The following ALKBH5 variants were observed in gnomAD, a reference collection of about 807,000 sequenced individuals.
ALKBH5 encodes the protein RNA demethylase ALKBH5.
A neutral mutation model predicts 32.1 loss-of-function variants in ALKBH5; 2 were observed. That is an observed-to-expected ratio of 0.06 (90% CI 0.03 to 0.20). ALKBH5 has a LOEUF of 0.20. ALKBH5 is among the 10% of genes least tolerant of loss of function. ALKBH5 has a pLI of 1.00. For synonymous variants in ALKBH5, 300 were observed against 231.7 expected (o/e 1.29, Z -2.68); for missense variants, 352 against 559.5 (o/e 0.63, Z 3.74).
In ALKBH5 at chr17:18,184,498, G is replaced by T. The variant is rs1200975452; in HGVS notation, c.255G>T (p.Val85=). The T allele has an allele frequency of 6.2e-7, 1 of 1,613,028 alleles. No individual in the cohort carries two copies. Among genetic ancestry groups the T allele is most frequent in the East Asian group, 2.2e-5 (1 of 44,886 alleles). The change falls in exon 1 of 4, where the codon GTG becomes GTT. Residue 85 remains valine (V), a synonymous_variant. Coordinates refer to ENST00000399138, the MANE Select transcript of ALKBH5 (RefSeq NM_017758.4). The stretch of plus-strand genomic sequence containing the variant: ...AGAAGGAGGAGGAGGCGCGCAAGGT[G>T]AAGAGCGGCATCCGCCAGATGCGCC... ...QLQKEEEARK[V]KSGIRQMRLF...
chr17:18,207,122 G>C (rs2047273725), intron 3 of ALKBH5, 152 bp downstream of exon 3: 1 of 1,084,626 alleles, frequency 9.2e-7, no homozygotes, highest in African/African-American at 1.6e-5. Flanking sequence ...TGGCATTGGT[G>C]ACATTCCCAT....
At chr17:18,201,818 TAGATAGATAGATAGATAGATGATA>T (rs1439778758) in intron 2 of ALKBH5, among the ~76,000 whole-genome samples, 21 of 80,242 alleles carry the variant, frequency 2.6e-4, no homozygotes, top group African/African-American at 8.6e-4. Flanking sequence ...GATAGATAGA[TAGATAGATAGATAGATAGATGATA>T]GATAGATTGA....
intron 1 of ALKBH5, among the ~76,000 whole-genome samples, chr17:18,190,378 C>T (rs1156861728): frequency 2.6e-5 from 4 of 151,868 alleles, no homozygotes; most frequent in African/African-American, 4.8e-5. Context: ...GGTGAAAGCC[C>T]GTCTCTACTA....
chr17:18,207,039 C>T (rs1360955352), intron 3 of ALKBH5, 69 bp downstream of exon 3: 1 of 1,571,636 alleles, frequency 6.4e-7, no homozygotes, highest in Non-Finnish European at 8.6e-7. Context: ...GGTGGAGAAG[C>T]CTGGGGTAGG....
chr17:18,183,932 G>T lies in ALKBH5; in HGVS notation c.-312G>T, dbSNP rs1271751447. On this transcript the variant is annotated 5_prime_UTR_variant, in exon 1 of 4. Coordinates refer to ENST00000399138, the MANE Select transcript of ALKBH5 (RefSeq NM_017758.4). ...GCCGGGCCGGGCGTCCGAGGGTCTG[G>T]TCGGGAGTCGGGCCGCGTCTCCGCA... 2 of 569,160 alleles carry T rather than the reference G, an allele frequency of 3.5e-6. No individual in the cohort carries two copies. The highest frequency in any genetic ancestry group is 3.9e-5 in the African/African-American group (2 of 51,084). The allele number at this position is 569,160 out of a possible 1,614,324, so 35.3% of individuals were successfully genotyped here.
At chr17:18,205,270 CTGAA>C (rs778069648) in intron 2 of ALKBH5, among the ~76,000 whole-genome samples, 1 of 152,130 alleles carries the variant, frequency 6.6e-6, no homozygotes, top group Non-Finnish European at 1.5e-5. Flanking sequence ...AGCTTGGACT[CTGAA>C]TGGCAGTGCC....
intron 2 of ALKBH5, among the ~76,000 whole-genome samples, chr17:18,202,294 C>G (rs1404657309): frequency 6.6e-6 from 1 of 151,772 alleles, no homozygotes; most frequent in Non-Finnish European, 1.5e-5. Flanking sequence ...GGCGACAGAG[C>G]GAGACTCCGA....
chr17:18,185,127 T>C, intron 1 of ALKBH5, 114 bp downstream of exon 1: 2 of 1,485,572 alleles, frequency 1.3e-6, no homozygotes, highest in Non-Finnish European at 1.8e-6. Flanking sequence ...TGACCAGTTC[T>C]TCTGTTTGTA....
At chr17:18,201,879 G>C (rs2047243351) in intron 2 of ALKBH5, among the ~76,000 whole-genome samples, 1 of 151,946 alleles carries the variant, frequency 6.6e-6, no homozygotes, top group Admixed American at 6.6e-5. Flanking sequence ...ACCAGGTGTG[G>C]TGGCATATAC....
intron 2 of ALKBH5, chr17:18,206,503 T>G: frequency 4.4e-6 from 1 of 226,584 alleles, no homozygotes; most frequent in Non-Finnish European, 8.6e-6. Flanking sequence ...CCAAGTGGAG[T>G]GAGGTGAGGC....
At chr17:18,197,965 A>G (rs1217815150) in intron 2 of ALKBH5, among the ~76,000 whole-genome samples, 1 of 152,112 alleles carries the variant, frequency 6.6e-6, no homozygotes. Context: ...AGCTCCTGTT[A>G]TGGTTTATGG....
In ALKBH5 at chr17:18,208,810, T is replaced by C; in HGVS notation, c.*414T>C. 3.2e-6 allele frequency: 1 copy of C among 314,242 alleles called. No homozygotes were observed. Among genetic ancestry groups the C allele is most frequent in the South Asian group, 2.6e-5 (1 of 38,282 alleles). 19.5% of individuals were successfully genotyped at this position (314,242 alleles called of 1,614,324 possible). A position where few individuals can be genotyped will look rare whatever the true frequency, so the allele number is the denominator to read the frequency against. On this transcript the variant is annotated 3_prime_UTR_variant, in exon 4 of 4. Transcript: ENST00000399138. ...CAGTGTTCTAAACAAAGTTCAGTCT[T>C]CTGCTCGCCCCTTTCCCTCACTGAT... is the stretch of plus-strand genomic sequence containing the variant.
intron 1 of ALKBH5, among the ~76,000 whole-genome samples, chr17:18,185,409 T>A (rs1734901): frequency 6.6e-6 from 1 of 150,632 alleles, no homozygotes; most frequent in South Asian, 2.1e-4. Flanking sequence ...TTTTTTTTTT[T>A]AATTTATCTA....
At position 18,189,066 on chromosome 17, in the gene ALKBH5, C is replaced by CA. The variant is rs547394393; in HGVS notation, c.770+4061dup. ...TGTGCTGTAGAGTGAGACTCCGTCT[C>CA]AAAAAAAATAATAAAAAAAAAAATT... On this transcript the variant is annotated intron_variant, in intron 1 of 3. Coordinates refer to ENST00000399138, the MANE Select transcript of ALKBH5 (RefSeq NM_017758.4). 5.0e-3 allele frequency among the ~76,000 whole-genome samples: 751 copies of CA among 149,452 alleles called. 3 individuals are homozygous for CA. The highest frequency in any genetic ancestry group is 0.032 in the Middle Eastern group (9 of 284).
intron 2 of ALKBH5, among the ~76,000 whole-genome samples, chr17:18,203,091 AG>A (rs1193551313): frequency 2.7e-5 from 4 of 146,306 alleles, no homozygotes; most frequent in African/African-American, 7.7e-5. Context: ...AAAAAAAAAA[AG>A]AGTTTAAATA....
chr17:18,184,101 C>A lies in ALKBH5; in HGVS notation c.-143C>A. 1.3e-6 allele frequency: 1 copy of A among 777,492 alleles called. No homozygotes were observed. The highest frequency in any genetic ancestry group is 2.2e-5 in the Admixed American group (1 of 45,166). The allele number at this position is 777,492 out of a possible 1,614,324, so 48.2% of individuals were successfully genotyped here. Reference sequence around the variant, plus strand: ...TACCCCACGCCCGGACCCTCGACGCCCCCCGCCGGGTCCCCCACTCACGCA... The same window carrying A: ...TACCCCACGCCCGGACCCTCGACGCACCCCGCCGGGTCCCCCACTCACGCA... On this transcript the variant is annotated 5_prime_UTR_variant, in exon 1 of 4. Transcript: ENST00000399138.
intron 3 of ALKBH5, 110 bp downstream of exon 3, chr17:18,207,080 T>G: frequency 7.1e-7 from 1 of 1,409,334 alleles, no homozygotes; most frequent in Non-Finnish European, 9.6e-7. Context: ...GCTCACCCTT[T>G]CAAAACCTTA....
chr17:18,201,566 T>G (rs548480044), intron 2 of ALKBH5, among the ~76,000 whole-genome samples: 3 of 152,226 alleles, frequency 2.0e-5, no homozygotes, highest in African/African-American at 7.2e-5. Context: ...GAGACCACCC[T>G]GGGCAACATG....
intron 2 of ALKBH5, among the ~76,000 whole-genome samples, chr17:18,198,489 A>T (rs1262878913): frequency 6.6e-6 from 1 of 152,182 alleles, no homozygotes; most frequent in Non-Finnish European, 1.5e-5. Flanking sequence ...GATAAGTATG[A>T]TGTGGCCTTG....
Sources: gnomAD v4.1 joint callset for allele counts (sites outside exome capture counted in the v4.1 genomes callset) on GRCh38, gnomAD v4.1.1 for gene constraint, MANE v1.5 for transcripts, NCBI Gene and HGNC (gene_info 2026-07-23, HGNC 2026-07-21) for gene names.